RPH3A: variants seen among roughly 807,000 people sequenced by gnomAD.
RPH3A encodes the protein rabphilin 3A.
RPH3A carries 48 observed loss-of-function variants against 102.2 expected under a neutral mutation model. The ratio of observed to expected loss-of-function variants is 0.47; its 90% CI spans 0.37 to 0.60. The LOEUF (loss-of-function observed/expected upper bound fraction) is 0.60. RPH3A is among the 20% of genes least tolerant of loss of function. The probability of loss-of-function intolerance (pLI) is 0.00; values close to 1 mark genes in which losing one functional copy is unlikely to be tolerated. For missense variants in RPH3A, 781 were observed against 910.1 expected (o/e 0.86, Z 1.83); for synonymous variants, 310 against 324.3 (o/e 0.96, Z 0.47).
chr12:112,881,082 G>A (rs1202973839), intron 14 of RPH3A, among the ~76,000 whole-genome samples: 1 of 152,152 alleles, frequency 6.6e-6, no homozygotes, highest in East Asian at 1.9e-4. Flanking sequence ...AATTGTGCAT[G>A]GTATAAGTGC....
chr12:112,893,965 G>C (rs923397916), intron 19 of RPH3A: 1 of 152,560 alleles, frequency 6.6e-6, no homozygotes, highest in African/African-American at 2.4e-5. Context: ...GGGGTGAGGA[G>C]GATGGCATAA....
intron 1 of RPH3A, among the ~76,000 whole-genome samples, chr12:112,606,133 A>C (rs1257095643): frequency 6.6e-6 from 1 of 152,010 alleles, no homozygotes; most frequent in African/African-American, 2.4e-5. Context: ...CTGTGACTCT[A>C]TGTACTGTGC....
intron 1 of RPH3A, among the ~76,000 whole-genome samples, chr12:112,639,438 T>C (rs1177789025): frequency 6.6e-6 from 1 of 151,676 alleles, no homozygotes; most frequent in East Asian, 1.9e-4. Context: ...AAGTGGGAGC[T>C]GAACAATGAG....
intron 1 of RPH3A, among the ~76,000 whole-genome samples, chr12:112,669,757 T>C (rs943237302): frequency 6.6e-6 from 1 of 152,204 alleles, no homozygotes; most frequent in African/African-American, 2.4e-5. Context: ...TTTGCTAATA[T>C]ATCTTGTACG....
At position 112,616,072 on chromosome 12, in the gene RPH3A, A is replaced by G. The variant is rs191306695; in HGVS notation, c.-140+40753A>G. Among the ~76,000 whole-genome samples the G allele has an allele frequency of 1.3e-3, 197 of 152,136 alleles. 2 individuals are homozygous for G. The East Asian group carries it at 0.019, about 14-fold the overall frequency. On this transcript the variant is annotated intron_variant, in intron 1 of 21. Coordinates refer to the RPH3A transcript ENST00000543106. ...GGCTTCTTTTCTCCAGTCAAAACAT[A>G]TCTGTCTGTTGTCTTCCATCCTCAG...
chr12:112,700,548 G>A (rs756648872), intron 1 of RPH3A, among the ~76,000 whole-genome samples: 6 of 151,994 alleles, frequency 3.9e-5, no homozygotes, highest in Non-Finnish European at 8.8e-5. Context: ...CCACCTGTTG[G>A]TTTCTGCCCC....
chr12:112,645,539 C>T (rs1308971819), intron 1 of RPH3A, among the ~76,000 whole-genome samples: 1 of 152,158 alleles, frequency 6.6e-6, no homozygotes, highest in Non-Finnish European at 1.5e-5. Context: ...ATTCTGCAAG[C>T]AGTGCTTGAA....
At chr12:112,841,922 G>T in intron 4 of RPH3A, 1 of 455,828 alleles carries the variant, frequency 2.2e-6, no homozygotes, top group South Asian at 1.5e-5. Flanking sequence ...CTGTCTCTCT[G>T]TCTCTCTCTC....
chr12:112,772,767 A>T (rs1233745418), intron 1 of RPH3A, among the ~76,000 whole-genome samples: 2 of 152,050 alleles, frequency 1.3e-5, no homozygotes, highest in Non-Finnish European at 2.9e-5. Flanking sequence ...TTATTGGGGT[A>T]CAGGTGGTAT....
intron 1 of RPH3A, among the ~76,000 whole-genome samples, chr12:112,610,724 T>C (rs1460194713): frequency 8.5e-5 from 13 of 152,132 alleles, no homozygotes; most frequent in South Asian, 2.1e-4. Context: ...CTCCGTCTCC[T>C]GGGTTCATGC....
intron 1 of RPH3A, among the ~76,000 whole-genome samples, chr12:112,667,510 A>G (rs2040093144): frequency 6.6e-6 from 1 of 152,096 alleles, no homozygotes. Flanking sequence ...CCAATGGGAA[A>G]TATGGCACAC....
chr12:112,804,043 A>T lies in RPH3A; in HGVS notation c.-19+11780A>T, dbSNP rs192037245. On this transcript the variant is annotated intron_variant, in intron 2 of 21. Coordinates refer to ENST00000389385, the MANE Select transcript of RPH3A (RefSeq NM_001143854.2). Reference sequence around the variant, plus strand: ...TATTGCATAGGACTTGAATTTTTTTAAAAAAATTACTTTTAGATTCAGTTT... The same window carrying T: ...TATTGCATAGGACTTGAATTTTTTTTAAAAAATTACTTTTAGATTCAGTTT... 1.4e-3 allele frequency among the ~76,000 whole-genome samples: 216 copies of T among 152,306 alleles called. 2 individuals carry two copies. The highest frequency in any genetic ancestry group is 7.1e-3 in the East Asian group (37 of 5,190).
intron 1 of RPH3A, among the ~76,000 whole-genome samples, chr12:112,724,379 A>G (rs1373512480): frequency 1.3e-5 from 2 of 152,062 alleles, no homozygotes; most frequent in Non-Finnish European, 2.9e-5. Context: ...TTTTTTTAAT[A>G]TTTTTTGGCA....
At position 112,711,940 on chromosome 12, in the gene RPH3A, C is replaced by A. The variant is rs145189382; in HGVS notation, c.-139-80203C>A. Among the ~76,000 whole-genome samples the A allele has an allele frequency of 4.6e-3, 693 of 152,282 alleles. 6 individuals are homozygous for A. The highest frequency in any genetic ancestry group is 0.016 in the African/African-American group (650 of 41,532). ...CTCTGCCTCCCGGGTTCAAGCAATT[C>A]TCCTGCCTCAGCCTCCAGAGTAGCT... is the stretch of plus-strand genomic sequence containing the variant. On this transcript the variant is annotated intron_variant, in intron 1 of 21. Coordinates refer to the RPH3A transcript ENST00000543106.
intron 1 of RPH3A, among the ~76,000 whole-genome samples, chr12:112,632,026 G>T (rs1448577499): frequency 2.0e-5 from 3 of 152,136 alleles, no homozygotes; most frequent in African/African-American, 7.2e-5. Context: ...AACCTGGTGG[G>T]AGATGATTGA....
intron 1 of RPH3A, among the ~76,000 whole-genome samples, chr12:112,704,663 G>A (rs1040525939): frequency 6.6e-6 from 1 of 152,176 alleles, no homozygotes; most frequent in African/African-American, 2.4e-5. Flanking sequence ...GATGGGGGAT[G>A]CTCACCTCCT....
Position 112,897,055 on chromosome 12 carries a change from A to G in RPH3A, c.*275A>G, listed in dbSNP as rs2043190812. 1 of 388,646 alleles carries G rather than the reference A, an allele frequency of 2.6e-6. No individual in the cohort carries two copies. Among genetic ancestry groups the G allele is most frequent in the Non-Finnish European group, 4.8e-6 (1 of 209,268 alleles). The allele number at this position is 388,646 out of a possible 1,614,324, so 24.1% of individuals were successfully genotyped here. A position where few individuals can be genotyped will look rare whatever the true frequency, so the allele number is the denominator to read the frequency against. ...GGAGACGTTTACAAAGAGGTTGATC[A>G]TTTAATAACCTCTCAGTTTGGGTAA... On this transcript the variant is annotated 3_prime_UTR_variant, in exon 22 of 22. Coordinates refer to ENST00000389385, the MANE Select transcript of RPH3A (RefSeq NM_001143854.2).
intron 1 of RPH3A, among the ~76,000 whole-genome samples, chr12:112,688,732 A>G (rs2040286042): frequency 6.6e-6 from 1 of 152,214 alleles, no homozygotes; most frequent in Admixed American, 6.5e-5. Context: ...TTCCCATTTG[A>G]TTAATGAAGA....
chr12:112,736,887 G>T (rs1014807355), intron 1 of RPH3A, among the ~76,000 whole-genome samples: 6 of 152,124 alleles, frequency 3.9e-5, no homozygotes, highest in Non-Finnish European at 8.8e-5. Context: ...GGGCACAGTG[G>T]CTCATGCCTG....
Sources: allele counts gnomAD v4.1 joint callset (sites outside exome capture counted in the v4.1 genomes callset), GRCh38; gene constraint gnomAD v4.1.1; transcripts MANE v1.5; gene names NCBI Gene and HGNC (gene_info 2026-07-23, HGNC 2026-07-21).